Variants in EYS observed in about 807,000 individuals in gnomAD.
The protein encoded by EYS is EGF-like photoreceptor maintenance factor, also known as protein eyes shut homolog.
EYS carries 250 observed loss-of-function variants against 282.1 expected under a neutral mutation model. The ratio of observed to expected loss-of-function variants is 0.89; its 90% CI spans 0.80 to 0.98. The LOEUF (loss-of-function observed/expected upper bound fraction) is 0.98. Ranked by LOEUF, EYS falls within the 50% of genes least tolerant of loss-of-function variation. The pLI is 0.00. For missense variants in EYS, 4,016 were observed against 3,709.0 expected (o/e 1.08, Z -2.15); for synonymous variants, 1,355 against 1,282.9 (o/e 1.06, Z -1.20).
intron 31 of EYS, among the ~76,000 whole-genome samples, chr6:64,189,819 T>G (rs1765050977): frequency 6.6e-6 from 1 of 152,154 alleles, no homozygotes; most frequent in African/African-American, 2.4e-5. Context: ...CTTTATACAC[T>G]ACAACAGTAG....
intron 36 of EYS, among the ~76,000 whole-genome samples, chr6:63,832,340 A>G (rs560013562): frequency 1.3e-5 from 2 of 152,182 alleles, no homozygotes; most frequent in Non-Finnish European, 2.9e-5. Flanking sequence ...AAAGAAGAAA[A>G]GAGAGAAGAA....
chr6:64,952,460 T>C (rs1769545244), intron 14 of EYS, among the ~76,000 whole-genome samples: 1 of 152,034 alleles, frequency 6.6e-6, no homozygotes, highest in South Asian at 2.1e-4. Context: ...ATATCTAACA[T>C]AGTAAGACAA....
intron 14 of EYS, among the ~76,000 whole-genome samples, chr6:64,962,958 T>C (rs1399335606): frequency 6.6e-6 from 1 of 152,222 alleles, no homozygotes; most frequent in Non-Finnish European, 1.5e-5. Context: ...ATCTCCTTGC[T>C]TCTGTATTAC....
chr6:65,561,705 T>C (rs1769066238), intron 2 of EYS, among the ~76,000 whole-genome samples: 1 of 152,072 alleles, frequency 6.6e-6, no homozygotes, highest in African/African-American at 2.4e-5. Context: ...CTTAAAAATA[T>C]GTAGGGCTGT....
chr6:64,982,309 G>T (rs926706941), intron 14 of EYS, among the ~76,000 whole-genome samples: 1 of 151,318 alleles, frequency 6.6e-6, no homozygotes, highest in African/African-American at 2.4e-5. Flanking sequence ...GACAAAGCAA[G>T]TTTAATTATA....
intron 30 of EYS, among the ~76,000 whole-genome samples, chr6:64,291,853 T>C (rs1398281461): frequency 6.6e-6 from 1 of 152,120 alleles, no homozygotes; most frequent in Non-Finnish European, 1.5e-5. Context: ...AAGATTATTC[T>C]TGTAAATTTA....
chr6:65,258,676 T>C (rs990182256), intron 12 of EYS, among the ~76,000 whole-genome samples: 8 of 152,040 alleles, frequency 5.3e-5, no homozygotes, highest in African/African-American at 1.4e-4. Context: ...TTCTAGTACC[T>C]ACAGAGAAAT....
intron 14 of EYS, among the ~76,000 whole-genome samples, chr6:64,986,200 G>GAA (rs1022802924): frequency 1.8e-4 from 27 of 151,288 alleles, no homozygotes; most frequent in African/African-American, 6.5e-4. Context: ...AAAGAATATA[G>GAA]AAAAAAAGAA....
intron 26 of EYS, among the ~76,000 whole-genome samples, chr6:64,487,186 T>G (rs1776600762): frequency 6.6e-6 from 1 of 151,166 alleles, no homozygotes; most frequent in South Asian, 2.1e-4. Flanking sequence ...TTTTTCATGC[T>G]AAGCAGACAT....
intron 26 of EYS, among the ~76,000 whole-genome samples, chr6:64,458,568 A>G (rs1335456597): frequency 6.9e-6 from 1 of 145,702 alleles, no homozygotes; most frequent in Non-Finnish European, 1.5e-5. Context: ...AAACTCCCTT[A>G]TATTTTATTT....
intron 16 of EYS, among the ~76,000 whole-genome samples, chr6:64,902,793 T>A (rs1486234014): frequency 6.6e-6 from 1 of 152,098 alleles, no homozygotes; most frequent in African/African-American, 2.4e-5. Flanking sequence ...TATTTAAATG[T>A]TTGAACAAGA....
intron 40 of EYS, among the ~76,000 whole-genome samples, chr6:63,766,782 T>C (rs1275890246): frequency 6.6e-6 from 1 of 151,934 alleles, no homozygotes; most frequent in Admixed American, 6.6e-5. Context: ...CCATTTTATG[T>C]CTCTCAATCC....
At chr6:65,026,920 A>T (rs1772435495) in intron 13 of EYS, among the ~76,000 whole-genome samples, 1 of 151,616 alleles carries the variant, frequency 6.6e-6, no homozygotes. Context: ...CCGTCTCAAA[A>T]AAAAAAAAAA....
At chr6:65,231,528 C>T (rs1312035696) in intron 12 of EYS, among the ~76,000 whole-genome samples, 1 of 151,346 alleles carries the variant, frequency 6.6e-6, no homozygotes, top group East Asian at 1.9e-4. Flanking sequence ...GGCTCAAAGC[C>T]AATAAAGTCT....
chr6:65,602,827 A>G (rs1765657553), intron 2 of EYS, among the ~76,000 whole-genome samples: 1 of 151,948 alleles, frequency 6.6e-6, no homozygotes, highest in Admixed American at 6.6e-5. Context: ...TTTTGAAGTG[A>G]TAACTCCATG....
At chr6:65,682,435 A>G (rs1410295956) in intron 1 of EYS, among the ~76,000 whole-genome samples, 1 of 151,944 alleles carries the variant, frequency 6.6e-6, no homozygotes, top group Non-Finnish European at 1.5e-5. Context: ...TATGTCATAA[A>G]TAATTTTATA....
rs533391050 is a variant in EYS, at chr6:65,603,343, C to T, written c.-333+36435G>A. The stretch of plus-strand genomic sequence containing the variant: ...AAAAAAGATTCACAGAGTAATGGAC[C>T]ATGGACTTGAGATTTAGAAGTGAAT... On this transcript the variant is annotated intron_variant, in intron 2 of 42. Coordinates refer to ENST00000503581, the MANE Select transcript of EYS (RefSeq NM_001142800.2). Among the ~76,000 whole-genome samples, 12 of 151,526 alleles carry T rather than the reference C, an allele frequency of 7.9e-5. No homozygotes were observed. The South Asian group carries it at 2.5e-3, about 32-fold the overall frequency.
chr6:64,179,797 T>C (rs1477170074), intron 31 of EYS, among the ~76,000 whole-genome samples: 1 of 152,162 alleles, frequency 6.6e-6, no homozygotes, highest in Middle Eastern at 3.4e-3. Flanking sequence ...TCTTAAGGCA[T>C]TAAGAACAGA....
chr6:63,842,458 G>GTT (rs573832610), intron 36 of EYS, among the ~76,000 whole-genome samples: 10 of 151,988 alleles, frequency 6.6e-5, no homozygotes, highest in Non-Finnish European at 1.3e-4. Context: ...GATGGGGCTT[G>GTT]TTTTTTTCTT....
Sources: allele counts gnomAD v4.1 joint callset (sites outside exome capture counted in the v4.1 genomes callset), GRCh38; gene constraint gnomAD v4.1.1; transcripts MANE v1.5; gene names NCBI Gene and HGNC (gene_info 2026-07-23, HGNC 2026-07-21).